The following MPHOSPH8 variants were observed in gnomAD, a reference collection of about 807,000 sequenced individuals.
MPHOSPH8 encodes the protein M-phase phosphoprotein, mpp.
A neutral mutation model predicts 87.3 loss-of-function variants in MPHOSPH8; 45 were observed. The ratio of observed to expected loss-of-function variants is 0.52; its 90% CI spans 0.41 to 0.66. The LOEUF (loss-of-function observed/expected upper bound fraction) is 0.66, where lower values mean the gene tolerates loss of function less well. Among genes scored for constraint, MPHOSPH8 ranks in the 30% least tolerant of loss-of-function variants. MPHOSPH8 has a pLI of 0.00. For synonymous variants in MPHOSPH8, 366 were observed against 376.9 expected (o/e 0.97, Z 0.33); for missense variants, 883 against 1,020.2 (o/e 0.87, Z 1.83).
intron 7 of MPHOSPH8, chr13:19,660,892 A>T (rs962432229): frequency 3.3e-5 from 32 of 982,886 alleles, no homozygotes; most frequent in Non-Finnish European, 1.2e-5. Flanking sequence ...GCCCCCCAAA[A>T]ATTCACTGTT....
chr13:19,665,056 T>C (rs1415958419), intron 9 of MPHOSPH8, among the ~76,000 whole-genome samples: 1 of 152,066 alleles, frequency 6.6e-6, no homozygotes, highest in African/African-American at 2.4e-5. Flanking sequence ...ACCTCAGGGC[T>C]GTGTGCCTTG....
At chr13:19,639,589 G>A (rs915061006) in intron 1 of MPHOSPH8, among the ~76,000 whole-genome samples, 3 of 152,058 alleles carry the variant, frequency 2.0e-5, no homozygotes, top group African/African-American at 4.8e-5. Flanking sequence ...GATTACAGGT[G>A]TGAGCCACCA....
rs906008386 is a variant in MPHOSPH8, at chr13:19,666,350, A to G, written c.2020-75A>G. The G allele has an allele frequency of 2.1e-6, 3 of 1,426,090 alleles. No homozygotes were observed. The South Asian group carries it at 4.3e-5, about 21-fold the overall frequency. 88.3% of individuals were successfully genotyped at this position (1,426,090 alleles called of 1,614,324 possible). A position where few individuals can be genotyped will look rare whatever the true frequency, so the allele number is the denominator to read the frequency against. ...CCCTCTCTTCACAGAACCGCTAAGC[A>G]TGTATGGAGAAGGGACCAGCACCCA... On this transcript the variant is annotated intron_variant, in intron 9 of 13. Coordinates refer to ENST00000361479, the MANE Select transcript of MPHOSPH8 (RefSeq NM_017520.4).
In MPHOSPH8 at chr13:19,650,233, A is replaced by G. The variant is rs1036884651; in HGVS notation, c.1549A>G (p.Ser517Gly). 4 of 1,613,802 alleles carry G rather than the reference A, an allele frequency of 2.5e-6. No individual in the cohort carries two copies. The highest frequency in any genetic ancestry group is 1.3e-5 in the African/African-American group (1 of 74,914). ...AAEGDQEVLD[S>G]VCQADENSDG... The stretch of plus-strand genomic sequence containing the variant: ...AGAAGGTGATCAGGAGGTTTTAGAC[A>G]GCGTGTGCCAAGCAGATGAGAATTC... Residue 517 changes from serine (S) to glycine (G), a missense_variant, in exon 5 of 14, where the codon AGC (serine) becomes GGC (glycine). Coordinates refer to ENST00000361479, the MANE Select transcript of MPHOSPH8 (RefSeq NM_017520.4).
chr13:19,655,282 C>T (rs530238816), intron 5 of MPHOSPH8, among the ~76,000 whole-genome samples: 3 of 152,110 alleles, frequency 2.0e-5, no homozygotes, highest in African/African-American at 7.2e-5. Flanking sequence ...CAAGACTAGC[C>T]TGGGAAAACA....
Position 19,659,109 on chromosome 13 carries a change from C to A in MPHOSPH8, c.1691C>A (p.Ala564Glu). 6.2e-7 allele frequency: 1 copy of A among 1,613,936 alleles called. No homozygotes were observed. The highest frequency in any genetic ancestry group is 8.5e-7 in the Non-Finnish European group (1 of 1,179,982). Residue 564 changes from alanine (A) to glutamate (E), a missense_variant, in exon 6 of 14, where the codon GCA becomes GAA. Ala to Glu is a moderately radical substitution (Grantham distance 107). Coordinates refer to ENST00000361479, the MANE Select transcript of MPHOSPH8 (RefSeq NM_017520.4). ...GATGAGAATTTTGCTGCAACAGATGCAATTCCAAGTAGTGAGTAGTTTTGG... is the reference window on the plus strand; with the variant it reads ...GATGAGAATTTTGCTGCAACAGATGAAATTCCAAGTAGTGAGTAGTTTTGG... Reference protein sequence around the residue: ...GKDENFAATDAIPSNVLRDAV... With the variant: ...GKDENFAATDEIPSNVLRDAV...
chr13:19,661,922 A>T, intron 8 of MPHOSPH8, 84 bp downstream of exon 8: 1 of 1,424,106 alleles, frequency 7.0e-7, no homozygotes, highest in Non-Finnish European at 9.4e-7. Context: ...GTAGTGAAAT[A>T]TAGCAGTCAC....
intron 12 of MPHOSPH8, 130 bp downstream of exon 12, chr13:19,670,493 G>A: frequency 9.0e-7 from 1 of 1,115,406 alleles, no homozygotes; most frequent in Non-Finnish European, 1.2e-6. Context: ...TAGTGGTTGG[G>A]AATGAGGCAA....
At chr13:19,660,929 G>A in intron 7 of MPHOSPH8, 2 of 985,146 alleles carry the variant, frequency 2.0e-6, no homozygotes, top group Non-Finnish European at 2.4e-6. Context: ...AACTTTTCAT[G>A]TGCCTTTAGG....
intron 5 of MPHOSPH8, among the ~76,000 whole-genome samples, chr13:19,655,377 A>G (rs1342226675): frequency 6.6e-6 from 1 of 152,202 alleles, no homozygotes; most frequent in East Asian, 1.9e-4. Flanking sequence ...CTGAGACAGG[A>G]GGACCACTTG....
At chr13:19,651,268 T>G (rs1384550768) in intron 5 of MPHOSPH8, among the ~76,000 whole-genome samples, 1 of 152,236 alleles carries the variant, frequency 6.6e-6, no homozygotes, top group Non-Finnish European at 1.5e-5. Flanking sequence ...CACAGTGGCC[T>G]GTAGTCCCAG....
intron 5 of MPHOSPH8, among the ~76,000 whole-genome samples, chr13:19,653,052 G>C (rs1287569515): frequency 6.6e-6 from 1 of 152,146 alleles, no homozygotes; most frequent in African/African-American, 2.4e-5. Context: ...GAGAGCAGTG[G>C]ATCTCCCAGC....
At chr13:19,654,175 A>G (rs1462487505) in intron 5 of MPHOSPH8, among the ~76,000 whole-genome samples, 1 of 152,232 alleles carries the variant, frequency 6.6e-6, no homozygotes, top group African/African-American at 2.4e-5. Flanking sequence ...GGTTACCCAC[A>G]AAGGGAAGCC....
chr13:19,657,393 T>A (rs1423557275), intron 5 of MPHOSPH8, among the ~76,000 whole-genome samples: 1 of 150,788 alleles, frequency 6.6e-6, no homozygotes, highest in African/African-American at 2.4e-5. Context: ...TTTTTTTGCA[T>A]GAGCAAAAAA....
intron 1 of MPHOSPH8, among the ~76,000 whole-genome samples, chr13:19,637,877 G>A (rs915929443): frequency 6.6e-6 from 1 of 151,766 alleles, no homozygotes; most frequent in African/African-American, 2.4e-5. Context: ...CAAGGCAGGC[G>A]GATCACGAAG....
rs543789543 is a variant in MPHOSPH8, at chr13:19,658,150, TGTTA to T, written c.1577-841_1577-838del. 2.7e-3 allele frequency among the ~76,000 whole-genome samples: 411 copies of T among 152,310 alleles called. 4 individuals carry two copies. Among genetic ancestry groups the T allele is most frequent in the South Asian group, 0.011 (54 of 4,830 alleles). Reference sequence around the variant, plus strand: ...TGTCAGCTCTCAGAGTTAGCAGAAGTGTTAGTTTGAGTTGAGGGCTTTGGAAAAG... The same window carrying T: ...TGTCAGCTCTCAGAGTTAGCAGAAGTGTTTGAGTTGAGGGCTTTGGAAAAG... On this transcript the variant is annotated intron_variant, in intron 5 of 13. Transcript: ENST00000361479.
intron 6 of MPHOSPH8, 35 bp downstream of exon 6, chr13:19,659,155 C>G: frequency 1.2e-6 from 2 of 1,610,784 alleles, no homozygotes; most frequent in African/African-American, 2.7e-5. Flanking sequence ...ATCCCTTTCA[C>G]AAATCTAGAT....
At chr13:19,634,495 C>A (rs1873883331) in intron 1 of MPHOSPH8, among the ~76,000 whole-genome samples, 1 of 152,172 alleles carries the variant, frequency 6.6e-6, no homozygotes, top group South Asian at 2.1e-4. Context: ...TAGCTCGCAG[C>A]CACACAGAAA....
chr13:19,634,353 C>A (rs1224395413), intron 1 of MPHOSPH8, among the ~76,000 whole-genome samples: 1 of 152,170 alleles, frequency 6.6e-6, no homozygotes, highest in Non-Finnish European at 1.5e-5. Context: ...AAACCGTAAC[C>A]AACTCCCTGG....
Sources: allele counts gnomAD v4.1 joint callset (sites outside exome capture counted in the v4.1 genomes callset), GRCh38; gene constraint gnomAD v4.1.1; transcripts MANE v1.5; gene names NCBI Gene and HGNC (gene_info 2026-07-23, HGNC 2026-07-21).